SLC24A3: variants seen among roughly 807,000 people sequenced by gnomAD.
SLC24A3 encodes solute carrier family 24 member 3, also known as sodium/potassium/calcium exchanger 3.
Under a neutral mutation model 75.8 loss-of-function variants are expected in SLC24A3, and 28 were observed. That is an observed-to-expected ratio of 0.37 (90% CI 0.27 to 0.51). The LOEUF is 0.51. SLC24A3 is among the 20% of genes least tolerant of loss of function. The pLI is 0.94. For missense variants in SLC24A3, 663 were observed against 847.8 expected, an observed-to-expected ratio of 0.78 and a Z score of 2.71; for synonymous variants, 372 against 334.1, an observed-to-expected ratio of 1.11 and a Z score of -1.24.
At chr20:19,708,008 G>A (rs142336117) in intron 15 of SLC24A3, among the ~76,000 whole-genome samples, 7 of 128,952 alleles carry the variant, frequency 5.4e-5, no homozygotes, top group Non-Finnish European at 8.7e-5. Context: ...AGAACATGTC[G>A]TGATGTTGGA....
intron 1 of SLC24A3, among the ~76,000 whole-genome samples, chr20:19,232,987 G>A (rs1481491900): frequency 1.3e-5 from 2 of 152,192 alleles, no homozygotes; most frequent in Admixed American, 6.5e-5. Context: ...CCCCAAGAGC[G>A]TTATTAGTAT....
At chr20:19,714,724 A>C (rs1394550390) in intron 15 of SLC24A3, among the ~76,000 whole-genome samples, 6 of 152,256 alleles carry the variant, frequency 3.9e-5, no homozygotes, top group Non-Finnish European at 8.8e-5. Flanking sequence ...CAAAAGAGTG[A>C]GTTGCCTTTG....
intron 2 of SLC24A3, among the ~76,000 whole-genome samples, chr20:19,303,319 G>A (rs1984242029): frequency 1.3e-5 from 2 of 152,152 alleles, no homozygotes; most frequent in South Asian, 4.1e-4. Flanking sequence ...CTCCATCCAT[G>A]TTGCTGCAAA....
chr20:19,584,067 G>T (rs1222007785), intron 4 of SLC24A3, among the ~76,000 whole-genome samples: 3 of 152,232 alleles, frequency 2.0e-5, no homozygotes, highest in Non-Finnish European at 4.4e-5. Flanking sequence ...TGACTGCCAG[G>T]AGGGAACTGG....
At chr20:19,344,175 A>G (rs903429350) in intron 2 of SLC24A3, among the ~76,000 whole-genome samples, 2 of 152,218 alleles carry the variant, frequency 1.3e-5, no homozygotes, top group Non-Finnish European at 2.9e-5. Context: ...TGCAGCCACA[A>G]TAAAGTGTAT....
intron 2 of SLC24A3, among the ~76,000 whole-genome samples, chr20:19,503,581 T>C (rs1428538320): frequency 6.6e-6 from 1 of 152,168 alleles, no homozygotes; most frequent in Non-Finnish European, 1.5e-5. Context: ...TATGGTAACA[T>C]AAAAGGAAAA....
intron 3 of SLC24A3, among the ~76,000 whole-genome samples, chr20:19,564,102 G>A (rs2030919217): frequency 6.6e-6 from 1 of 152,164 alleles, no homozygotes; most frequent in African/African-American, 2.4e-5. Flanking sequence ...CCCAGTATTG[G>A]CAAACAGGAC....
chr20:19,482,924 G>A (rs1398255155), intron 2 of SLC24A3, among the ~76,000 whole-genome samples: 1 of 152,212 alleles, frequency 6.6e-6, no homozygotes, highest in African/African-American at 2.4e-5. Context: ...GTGAAGACCA[G>A]CTTAGCAGAT....
intron 1 of SLC24A3, among the ~76,000 whole-genome samples, chr20:19,271,950 A>T (rs1294033920): frequency 6.6e-6 from 1 of 152,046 alleles, no homozygotes; most frequent in Admixed American, 6.6e-5. Flanking sequence ...GTAACCAAAA[A>T]CCTCCTATTC....
intron 6 of SLC24A3, among the ~76,000 whole-genome samples, chr20:19,642,021 C>G (rs1411042530): frequency 6.6e-6 from 1 of 152,198 alleles, no homozygotes; most frequent in Non-Finnish European, 1.5e-5. Context: ...AACTATGATC[C>G]TCACTAAGCC....
At chr20:19,562,074 C>G (rs573441649) in intron 3 of SLC24A3, among the ~76,000 whole-genome samples, 3 of 152,104 alleles carry the variant, frequency 2.0e-5, no homozygotes, top group Non-Finnish European at 2.9e-5. Context: ...CATGCCTTAC[C>G]CCAGTGTGCC....
chr20:19,245,436 A>G (rs1982458555), intron 1 of SLC24A3, among the ~76,000 whole-genome samples: 1 of 152,190 alleles, frequency 6.6e-6, no homozygotes, highest in African/African-American at 2.4e-5. Context: ...AGTGTGATCA[A>G]TTTGAGTTGG....
At chr20:19,567,324 G>A (rs956575690) in intron 3 of SLC24A3, among the ~76,000 whole-genome samples, 3 of 152,156 alleles carry the variant, frequency 2.0e-5, no homozygotes, top group Non-Finnish European at 4.4e-5. Flanking sequence ...ACATATACAC[G>A]ATGGAATTCT....
chr20:19,546,854 A>C (rs2328408), intron 3 of SLC24A3, among the ~76,000 whole-genome samples: 131,496 of 152,022 alleles, frequency 0.86, 57,298 homozygotes, highest in Middle Eastern at 0.93. Context: ...CAGGCTGAGG[A>C]AGCATCCCCC....
intron 7 of SLC24A3, among the ~76,000 whole-genome samples, chr20:19,663,335 G>A (rs1434654190): frequency 6.9e-6 from 1 of 144,188 alleles, no homozygotes; most frequent in Non-Finnish European, 1.5e-5. Context: ...CAAAGGAGAA[G>A]GATAAACCCG....
intron 2 of SLC24A3, among the ~76,000 whole-genome samples, chr20:19,506,776 T>G (rs918195212): frequency 6.6e-6 from 1 of 152,188 alleles, no homozygotes; most frequent in Non-Finnish European, 1.5e-5. Context: ...ATAAGGGCTG[T>G]GTACCTTTAA....
intron 3 of SLC24A3, among the ~76,000 whole-genome samples, chr20:19,528,532 G>A (rs1177808044): frequency 6.6e-6 from 1 of 152,100 alleles, no homozygotes; most frequent in East Asian, 1.9e-4. Context: ...TCTACACGTG[G>A]CCCTCACTAT....
At chr20:19,388,078 T>TTA (rs1986301890) in intron 2 of SLC24A3, among the ~76,000 whole-genome samples, 1 of 152,198 alleles carries the variant, frequency 6.6e-6, no homozygotes, top group Non-Finnish European at 1.5e-5. Context: ...CCTCAAGCTT[T>TTA]TATCCTTTGT....
At chr20:19,690,023 T>G in intron 12 of SLC24A3, among the ~76,000 whole-genome samples, 1 of 83,428 alleles carries the variant, frequency 1.2e-5, no homozygotes. Flanking sequence ...AGAGTGAGAC[T>G]CTGTCTCAAA....
Sources: allele counts gnomAD v4.1 joint callset (sites outside exome capture counted in the v4.1 genomes callset), GRCh38; gene constraint gnomAD v4.1.1; transcripts MANE v1.5; gene names NCBI Gene and HGNC (gene_info 2026-07-23, HGNC 2026-07-21).